The following CWF19L1 variants were observed in gnomAD, a reference collection of about 807,000 sequenced individuals.
CWF19L1 encodes CWF19-like protein 1.
A neutral mutation model predicts 69.7 loss-of-function variants in CWF19L1; 60 were observed. That is an observed-to-expected ratio of 0.86 (90% CI 0.70 to 1.07). The LOEUF is 1.07. Ranked by LOEUF, CWF19L1 falls within the 50% of genes least tolerant of loss-of-function variation. CWF19L1 has a pLI of 0.00. For missense variants in CWF19L1, 591 were observed against 638.9 expected, an observed-to-expected ratio of 0.92 and a Z score of 0.81; for synonymous variants, 209 against 222.2, an observed-to-expected ratio of 0.94 and a Z score of 0.53.
At chr10:100,265,060 G>A (rs977083345) in intron 1 of CWF19L1, among the ~76,000 whole-genome samples, 18 of 151,508 alleles carry the variant, frequency 1.2e-4, no homozygotes, top group Non-Finnish European at 2.9e-5. Context: ...GGTTGAGGTT[G>A]CAGTGAGCCG....
chr10:100,263,977 G>A (rs1847486337), intron 1 of CWF19L1, among the ~76,000 whole-genome samples: 2 of 152,188 alleles, frequency 1.3e-5, no homozygotes, highest in Non-Finnish European at 1.5e-5. Context: ...CAAGAATACA[G>A]TTACGTGCCA....
At chr10:100,236,807 C>A in intron 12 of CWF19L1, 43 bp downstream of exon 12, 1 of 1,536,950 alleles carries the variant, frequency 6.5e-7, no homozygotes, top group Non-Finnish European at 8.7e-7. Context: ...ACAAAAAAAA[C>A]AGATATTTAC....
chr10:100,256,994 C>T (rs1388324397), intron 4 of CWF19L1, among the ~76,000 whole-genome samples: 3 of 152,148 alleles, frequency 2.0e-5, no homozygotes, highest in Non-Finnish European at 1.5e-5. Context: ...CAGCAACTTC[C>T]AAGTGAAGGA....
chr10:100,260,596 C>T (rs376929159), intron 3 of CWF19L1, among the ~76,000 whole-genome samples: 76 of 151,896 alleles, frequency 5.0e-4, no homozygotes, highest in Admixed American at 1.3e-3. Context: ...AATCTCGGCT[C>T]ACTGCAATCT....
In CWF19L1 at chr10:100,260,275, C is replaced by T; in HGVS notation, c.232G>A (p.Val78Ile). 1.2e-6 allele frequency: 2 copies of T among 1,612,932 alleles called. No homozygotes were observed. The highest frequency in any genetic ancestry group is 1.7e-5 in the Admixed American group (1 of 60,004). Residue 78 changes from valine (V) to isoleucine (I), a missense_variant, in exon 4 of 14, where the codon GTA becomes ATA. Physicochemically the swap from Val to Ile is conservative, Grantham distance 29. Transcript: ENST00000354105. ...CCATCAGCATCCTGGAAATATTTTA[C>T]TGTTTCCTGGTTATTAGCACCAAGC... ...YVLGANNQET[V>I]KYFQDADGCE...
intron 10 of CWF19L1, among the ~76,000 whole-genome samples, chr10:100,239,243 C>G (rs988246062): frequency 6.6e-6 from 1 of 152,134 alleles, no homozygotes; most frequent in East Asian, 1.9e-4. Flanking sequence ...CCAAAACATG[C>G]AAGAATGGTC....
At chr10:100,264,405 C>T (rs1039351754) in intron 1 of CWF19L1, among the ~76,000 whole-genome samples, 5 of 151,900 alleles carry the variant, frequency 3.3e-5, no homozygotes, top group East Asian at 1.9e-4. Flanking sequence ...ATTAGCCGGG[C>T]GTGGTGGCGG....
chr10:100,236,824 C>T, intron 12 of CWF19L1, 26 bp downstream of exon 12: 1 of 1,563,970 alleles, frequency 6.4e-7, no homozygotes, highest in Non-Finnish European at 8.6e-7. Context: ...TTACTCTTCC[C>T]TGAATATCAC....
Position 100,256,563 on chromosome 10 carries a change from C to CTA in CWF19L1, c.290-89_290-88dup. On this transcript the variant is annotated intron_variant, in intron 4 of 13. Coordinates refer to ENST00000354105, the MANE Select transcript of CWF19L1 (RefSeq NM_018294.6). ...GGGGGATGAATCTCCCATGACTCTC[C>CTA]TATGTCCCTGCCATTTTACATGTCT... 3.0e-6 allele frequency: 3 copies of CTA among 1,003,402 alleles called. No homozygotes were observed. In the South Asian group the frequency reaches 4.0e-5, roughly 13 times the overall value. 62.2% of individuals were successfully genotyped at this position (1,003,402 alleles called of 1,614,324 possible). A position where few individuals can be genotyped will look rare whatever the true frequency, so the allele number is the denominator to read the frequency against.
At chr10:100,261,133 G>T in intron 2 of CWF19L1, 89 bp from the exon 3 acceptor site, 1 of 831,224 alleles carries the variant, frequency 1.2e-6, no homozygotes, top group Non-Finnish European at 1.9e-6. Context: ...TTATTTAATA[G>T]TTTCAAATCA....
At chr10:100,263,468 T>C (rs578184953) in intron 1 of CWF19L1, among the ~76,000 whole-genome samples, 3 of 152,240 alleles carry the variant, frequency 2.0e-5, no homozygotes, top group Non-Finnish European at 4.4e-5. Flanking sequence ...AGAGAAAGCT[T>C]TGTCATAAAC....
intron 1 of CWF19L1, among the ~76,000 whole-genome samples, chr10:100,264,281 T>G (rs1277788720): frequency 6.6e-6 from 1 of 152,176 alleles, no homozygotes; most frequent in Non-Finnish European, 1.5e-5. Flanking sequence ...TGCGGTGGCT[T>G]ACGCCTGTAA....
intron 1 of CWF19L1, among the ~76,000 whole-genome samples, chr10:100,265,923 ACCAT>A (rs761247683): frequency 2.5e-4 from 38 of 152,278 alleles, no homozygotes; most frequent in South Asian, 2.5e-3. Flanking sequence ...GTACAGCTAT[ACCAT>A]TTAGCCTAGG....
chr10:100,250,051 C>A (rs1224911513), intron 7 of CWF19L1, 197 bp downstream of exon 7: 1 of 593,946 alleles, frequency 1.7e-6, no homozygotes, highest in East Asian at 2.9e-5. Flanking sequence ...TTTTCCCAAA[C>A]CCTTCTTTAA....
At chr10:100,233,397 A>G (rs1829098361) in intron 13 of CWF19L1, 26 bp from the exon 14 acceptor site, 1 of 1,603,428 alleles carries the variant, frequency 6.2e-7, no homozygotes, top group African/African-American at 1.3e-5. Flanking sequence ...AAAGAAGTCA[A>G]AATGGAAACT....
rs1274945107 is a variant in CWF19L1, at chr10:100,261,972, A to T, written c.108+7T>A. On this transcript the variant is annotated splice_region_variant and intron_variant, in intron 2 of 13. Coordinates refer to ENST00000354105, the MANE Select transcript of CWF19L1 (RefSeq NM_018294.6). ...AAAATTAAATTCAGTAAAAACAAAC[A>T]TCTTACATCAAAGTTTCCACTTTTC... The T allele has an allele frequency of 1.9e-6, 3 of 1,590,582 alleles. No homozygotes were observed. Among genetic ancestry groups the T allele is most frequent in the Non-Finnish European group, 2.6e-6 (3 of 1,172,924 alleles).
At chr10:100,254,918 A>G (rs931744598) in intron 5 of CWF19L1, among the ~76,000 whole-genome samples, 2 of 152,190 alleles carry the variant, frequency 1.3e-5, no homozygotes, top group African/African-American at 2.4e-5. Context: ...GGAAGAGAGC[A>G]TCCTCCTTGA....
In CWF19L1 at chr10:100,233,089, A is replaced by C. The variant is rs965885251; in HGVS notation, c.*138T>G. ...CTAGAGCCCAGGAGGTTGAGGCTAC[A>C]GTGAGCCACAGTTATGCCACTGCAA... On this transcript the variant is annotated 3_prime_UTR_variant, in exon 14 of 14. Coordinates refer to ENST00000354105, the MANE Select transcript of CWF19L1 (RefSeq NM_018294.6). The C allele has an allele frequency of 2.3e-5, 19 of 819,706 alleles. No homozygotes were observed. Among genetic ancestry groups the C allele is most frequent in the African/African-American group, 3.5e-5 (2 of 56,856 alleles). 50.8% of individuals were successfully genotyped at this position (819,706 alleles called of 1,614,324 possible).
chr10:100,248,577 G>T (rs1441923626), intron 7 of CWF19L1: 3 of 733,402 alleles, frequency 4.1e-6, no homozygotes, highest in African/African-American at 3.4e-5. Flanking sequence ...CTCGCATCTT[G>T]ACCAGCATTG....
Sources: allele counts gnomAD v4.1 joint callset (sites outside exome capture counted in the v4.1 genomes callset), GRCh38; gene constraint gnomAD v4.1.1; transcripts MANE v1.5; gene names NCBI Gene and HGNC (gene_info 2026-07-23, HGNC 2026-07-21).